SHISA9: variants seen among roughly 807,000 people sequenced by gnomAD.
SHISA9 encodes protein shisa-9.
A neutral mutation model predicts 38.0 loss-of-function variants in SHISA9; 13 were observed. That is an observed-to-expected ratio of 0.34 (90% CI 0.22 to 0.54). SHISA9 has a LOEUF of 0.54. Among genes scored for constraint, SHISA9 ranks in the 20% least tolerant of loss-of-function variants. The pLI is 0.91. For missense variants in SHISA9, 538 were observed against 575.8 expected, an observed-to-expected ratio of 0.93 and a Z score of 0.67; for synonymous variants, 275 against 242.0, an observed-to-expected ratio of 1.14 and a Z score of -1.27.
At chr16:13,277,992 C>T in the SHISA9 span, among the ~76,000 whole-genome samples, 1 of 151,908 alleles carries the variant, frequency 6.6e-6, no homozygotes. Flanking sequence ...TTGTCTTGTT[C>T]CCATTCTCAG....
intron 2 of SHISA9, among the ~76,000 whole-genome samples, chr16:13,123,193 A>C (rs1344543499): frequency 1.3e-5 from 2 of 152,078 alleles, no homozygotes; most frequent in African/African-American, 4.8e-5. Flanking sequence ...TATGGGAGAC[A>C]GAAAAATTAA....
intron 2 of SHISA9, among the ~76,000 whole-genome samples, chr16:13,027,781 G>A: frequency 6.6e-6 from 1 of 151,790 alleles, no homozygotes; most frequent in African/African-American, 2.4e-5. Context: ...ACAAAAATTA[G>A]CTGGGTATGG....
At chr16:12,979,389 C>T (rs1264747615) in intron 2 of SHISA9, among the ~76,000 whole-genome samples, 5 of 151,736 alleles carry the variant, frequency 3.3e-5, no homozygotes, top group African/African-American at 1.2e-4. Context: ...CCATGCAGGA[C>T]TTGCTTTTGT....
At position 13,183,591 on chromosome 16, in the gene SHISA9, T is replaced by A. The variant is rs370218892; in HGVS notation, c.692-19803T>A. ...AAAGATTCAAGAAACCGTCCCTGAA[T>A]GCTCTGGATACATAATTAAGTCTCT... On this transcript the variant is annotated intron_variant, in intron 2 of 4. Coordinates refer to ENST00000558583, the MANE Select transcript of SHISA9 (RefSeq NM_001145204.3). Among the ~76,000 whole-genome samples, 26 of 152,388 alleles carry A rather than the reference T, an allele frequency of 1.7e-4. 1 individual carries two copies. The highest frequency in any genetic ancestry group is 8.3e-4 in the South Asian group (4 of 4,828).
chr16:12,983,018 T>A (rs966347441), intron 2 of SHISA9, among the ~76,000 whole-genome samples: 3 of 152,078 alleles, frequency 2.0e-5, no homozygotes, highest in Admixed American at 1.3e-4. Context: ...TCTTGTGAGG[T>A]GGTATTGGGT....
intron 3 of SHISA9, among the ~76,000 whole-genome samples, chr16:13,206,234 CT>C (rs2051062600): frequency 1.3e-5 from 2 of 152,092 alleles, no homozygotes; most frequent in Admixed American, 6.5e-5. Context: ...ATTTATTTAT[CT>C]ATTCTCACAT....
intron 2 of SHISA9, among the ~76,000 whole-genome samples, chr16:13,167,075 T>TC (rs1555467307): frequency 5.4e-5 from 8 of 146,812 alleles, no homozygotes; most frequent in South Asian, 2.2e-4. Flanking sequence ...CTTTTTTCTT[T>TC]TTTTTTTTTT....
intron 2 of SHISA9, among the ~76,000 whole-genome samples, chr16:13,102,479 A>G (rs1198567334): frequency 1.3e-5 from 2 of 152,104 alleles, no homozygotes; most frequent in African/African-American, 4.8e-5. Context: ...GTGGCCACTG[A>G]TGCTATTCTG....
At chr16:13,234,957 A>ACTCTCTCT (rs71147791) in intron 4 of SHISA9, 73 bp from the exon 5 acceptor site, 239 of 1,324,728 alleles carry the variant, frequency 1.8e-4, no homozygotes, top group African/African-American at 1.8e-3. Flanking sequence ...CCAGTCTCTA[A>ACTCTCTCT]CTCTCTCTCT....
In SHISA9 at chr16:13,077,243, C is replaced by CT. The variant is rs11320901; in HGVS notation, c.692-126139dup. On this transcript the variant is annotated intron_variant, in intron 2 of 4. Coordinates refer to ENST00000558583, the MANE Select transcript of SHISA9 (RefSeq NM_001145204.3). ...TTTTTCACTTCTTCTTCTTCTTCTT[C>CT]TTTTTTTTTTTTAACCTTCTGAATT... Among the ~76,000 whole-genome samples the CT allele has an allele frequency of 8.7e-4, 127 of 145,174 alleles. 1 individual carries two copies. Among genetic ancestry groups the CT allele is most frequent in the South Asian group, 2.7e-3 (12 of 4,526 alleles).
At chr16:12,981,085 C>A (rs1367283368) in intron 2 of SHISA9, among the ~76,000 whole-genome samples, 1 of 152,128 alleles carries the variant, frequency 6.6e-6, no homozygotes. Flanking sequence ...CCTCAAATAT[C>A]TTGTTATTAT....
the SHISA9 span, chr16:13,458,824 A>G: frequency 0.26 from 45,048 of 176,302 alleles, 6,070 homozygotes; most frequent in South Asian, 0.34. Flanking sequence ...GTGGACTTCC[A>G]ATAAATTCTC....
At chr16:13,186,495 A>G (rs1303558412) in intron 2 of SHISA9, among the ~76,000 whole-genome samples, 2 of 151,574 alleles carry the variant, frequency 1.3e-5, no homozygotes, top group Non-Finnish European at 2.9e-5. Flanking sequence ...ATGGGATTTC[A>G]CCATGTTGGT....
At chr16:13,369,134 T>C in the SHISA9 span, among the ~76,000 whole-genome samples, 11 of 152,166 alleles carry the variant, frequency 7.2e-5, no homozygotes, top group Non-Finnish European at 1.0e-4. Context: ...TGCAGAATAA[T>C]GTGCTCAGTG....
At chr16:13,392,776 A>T in the SHISA9 span, among the ~76,000 whole-genome samples, 1 of 152,244 alleles carries the variant, frequency 6.6e-6, no homozygotes, top group Non-Finnish European at 1.5e-5. Context: ...ACACTGTGTG[A>T]AGATAAAGGC....
chr16:13,394,956 T>TGC, the SHISA9 span, among the ~76,000 whole-genome samples: 1 of 146,240 alleles, frequency 6.8e-6, no homozygotes. Flanking sequence ...TGTGTGTGTG[T>TGC]GTGTGTGTGT....
At chr16:13,406,096 C>G in the SHISA9 span, among the ~76,000 whole-genome samples, 1 of 152,174 alleles carries the variant, frequency 6.6e-6, no homozygotes, top group African/African-American at 2.4e-5. Context: ...AACTCTGCAT[C>G]CAACAGCGTC....
intron 2 of SHISA9, among the ~76,000 whole-genome samples, chr16:13,148,229 G>A (rs770408693): frequency 6.6e-6 from 1 of 151,766 alleles, no homozygotes; most frequent in African/African-American, 2.4e-5. Flanking sequence ...ACATGTCCCC[G>A]CACACCCGAA....
the SHISA9 span, among the ~76,000 whole-genome samples, chr16:13,437,670 A>G: frequency 6.6e-6 from 1 of 151,952 alleles, no homozygotes; most frequent in Admixed American, 6.6e-5. Context: ...GAACTCCCCC[A>G]CTGAATTCTG....
Sources: allele counts gnomAD v4.1 joint callset (sites outside exome capture counted in the v4.1 genomes callset), GRCh38; gene constraint gnomAD v4.1.1; transcripts MANE v1.5; gene names NCBI Gene and HGNC (gene_info 2026-07-23, HGNC 2026-07-21).